Variants in GRID1 observed in about 807,000 individuals in gnomAD.
GRID1 encodes the protein glutamate ionotropic receptor delta type subunit 1.
A neutral mutation model predicts 98.0 loss-of-function variants in GRID1; 28 were observed. The ratio of observed to expected loss-of-function variants is 0.29; its 90% CI spans 0.21 to 0.39. GRID1 has a LOEUF of 0.39. Among genes scored for constraint, GRID1 ranks in the 10% least tolerant of loss-of-function variants. The pLI is 1.00. For synonymous variants in GRID1, 553 were observed against 538.5 expected (o/e 1.03, Z -0.37); for missense variants, 1,111 against 1,340.5 (o/e 0.83, Z 2.67).
At chr10:85,688,988 GT>G (rs1841301976) in intron 12 of GRID1, among the ~76,000 whole-genome samples, 1 of 152,096 alleles carries the variant, frequency 6.6e-6, no homozygotes, top group African/African-American at 2.4e-5. Flanking sequence ...AGCTTGTCAG[GT>G]TTCATTTATC....
chr10:85,631,238 T>C (rs1842972643), intron 13 of GRID1, among the ~76,000 whole-genome samples: 1 of 152,218 alleles, frequency 6.6e-6, no homozygotes, highest in South Asian at 2.1e-4. Flanking sequence ...TCCTCAGATC[T>C]CCTTGACTGC....
chr10:85,837,448 T>G (rs1842921045), intron 8 of GRID1, among the ~76,000 whole-genome samples: 1 of 152,136 alleles, frequency 6.6e-6, no homozygotes, highest in Non-Finnish European at 1.5e-5. Flanking sequence ...CCCAGCACAG[T>G]GGACTCCAAA....
chr10:86,232,725 T>C (rs1176176179), intron 2 of GRID1, among the ~76,000 whole-genome samples: 1 of 152,248 alleles, frequency 6.6e-6, no homozygotes. Context: ...TTTGTATTTT[T>C]CACTATCCAT....
chr10:85,674,259 G>A (rs780034629), intron 12 of GRID1, among the ~76,000 whole-genome samples: 51 of 152,188 alleles, frequency 3.4e-4, no homozygotes, highest in Middle Eastern at 6.8e-3. Flanking sequence ...CCCTGTGTTC[G>A]CCTAGGGAAC....
At chr10:85,680,435 A>G (rs1174798548) in intron 12 of GRID1, among the ~76,000 whole-genome samples, 5 of 152,228 alleles carry the variant, frequency 3.3e-5, no homozygotes, top group African/African-American at 4.8e-5. Context: ...ACTCTCATCC[A>G]TCTGCCATTC....
In GRID1 at chr10:85,773,633, A is replaced by C. The variant is rs536357949; in HGVS notation, c.1234-44019T>G. Among the ~76,000 whole-genome samples the C allele has an allele frequency of 2.0e-4, 31 of 152,360 alleles. No individual in the cohort carries two copies. In the East Asian group the frequency reaches 6.0e-3, roughly 29 times the overall value. The stretch of plus-strand genomic sequence containing the variant: ...TAAGCAACTTCAGCAAAGTCTCAGG[A>C]TACAAAATCAATGTACAAAAATCAC... On this transcript the variant is annotated intron_variant, in intron 8 of 15. Transcript: ENST00000327946.
chr10:86,146,189 G>C (rs1168935524), intron 3 of GRID1, among the ~76,000 whole-genome samples: 3 of 152,058 alleles, frequency 2.0e-5, no homozygotes, highest in Non-Finnish European at 4.4e-5. Flanking sequence ...ATACATGAAG[G>C]CTGCCACCTC....
chr10:86,062,308 G>A (rs1419257121), intron 4 of GRID1, among the ~76,000 whole-genome samples: 17 of 151,974 alleles, frequency 1.1e-4, no homozygotes, highest in Admixed American at 1.1e-3. Context: ...TTAAGATGAG[G>A]GTGAGGGTAT....
At chr10:85,798,343 A>G (rs528683696) in intron 8 of GRID1, among the ~76,000 whole-genome samples, 1 of 152,360 alleles carries the variant, frequency 6.6e-6, no homozygotes, top group South Asian at 2.1e-4. Context: ...TCACTATCAG[A>G]CAATATAGAA....
intron 12 of GRID1, among the ~76,000 whole-genome samples, chr10:85,684,621 A>G (rs1260816310): frequency 6.6e-6 from 1 of 152,238 alleles, no homozygotes. Flanking sequence ...AAACATATTA[A>G]ACATCATCCT....
chr10:86,304,900 C>T (rs1012312511), intron 2 of GRID1, among the ~76,000 whole-genome samples: 4 of 152,052 alleles, frequency 2.6e-5, no homozygotes, highest in Admixed American at 2.0e-4. Context: ...TACTTTAAAG[C>T]ATCTGGGTGG....
chr10:85,706,925 T>C (rs550678589), intron 12 of GRID1, among the ~76,000 whole-genome samples: 35 of 152,178 alleles, frequency 2.3e-4, no homozygotes, highest in Admixed American at 2.0e-4. Context: ...AAAGCTGAAA[T>C]TGGATCCCTT....
At chr10:85,999,512 A>G (rs564950402) in intron 4 of GRID1, among the ~76,000 whole-genome samples, 29 of 152,212 alleles carry the variant, frequency 1.9e-4, no homozygotes, top group Non-Finnish European at 2.9e-4. Flanking sequence ...GTACAAAAAC[A>G]GAAAACTGCA....
At chr10:85,811,956 A>C (rs1260262218) in intron 8 of GRID1, among the ~76,000 whole-genome samples, 1 of 152,224 alleles carries the variant, frequency 6.6e-6, no homozygotes, top group Non-Finnish European at 1.5e-5. Context: ...CAGCAAGAGA[A>C]AAACAGCAAG....
At chr10:86,150,598 T>TA (rs1337971100) in intron 3 of GRID1, among the ~76,000 whole-genome samples, 4 of 152,212 alleles carry the variant, frequency 2.6e-5, no homozygotes, top group African/African-American at 9.6e-5. Flanking sequence ...CTCTCCATGG[T>TA]ATGGCCAAAC....
chr10:85,924,701 T>C (rs983614946), intron 4 of GRID1, among the ~76,000 whole-genome samples: 1 of 152,220 alleles, frequency 6.6e-6, no homozygotes, highest in Non-Finnish European at 1.5e-5. Context: ...TATGTTGCTA[T>C]GGAAAAACAA....
At chr10:86,174,223 G>A (rs12784502) in intron 3 of GRID1, among the ~76,000 whole-genome samples, 24,440 of 151,784 alleles carry the variant, frequency 0.16, 2,823 homozygotes, top group African/African-American at 0.31. Flanking sequence ...GAGGCATCAC[G>A]CTACCTGACT....
chr10:86,167,507 C>T (rs186713415), intron 3 of GRID1, among the ~76,000 whole-genome samples: 62 of 152,340 alleles, frequency 4.1e-4, no homozygotes, highest in Middle Eastern at 3.4e-3. Flanking sequence ...ATCAGGCAAA[C>T]GGTGCCAAGG....
Position 85,602,104 on chromosome 10 carries a change from T to C in GRID1, c.*169A>G, listed in dbSNP as rs896242158. The C allele has an allele frequency of 2.9e-5, 14 of 486,534 alleles. No individual in the cohort carries two copies. The highest frequency in any genetic ancestry group is 4.3e-5 in the Non-Finnish European group (12 of 278,970). 30.1% of individuals were successfully genotyped at this position (486,534 alleles called of 1,614,324 possible). ...ATTGGGAATATTCAAAATACACTTT[T>C]ACCCCACTCCATTCTGTCATTATTT... On this transcript the variant is annotated 3_prime_UTR_variant, in exon 16 of 16. Coordinates refer to ENST00000327946, the MANE Select transcript of GRID1 (RefSeq NM_017551.3).
Sources: allele counts gnomAD v4.1 joint callset (sites outside exome capture counted in the v4.1 genomes callset), GRCh38; gene constraint gnomAD v4.1.1; transcripts MANE v1.5; gene names NCBI Gene and HGNC (gene_info 2026-07-23, HGNC 2026-07-21).